PPFIA2: variants seen among roughly 807,000 people sequenced by gnomAD.
PPFIA2 encodes liprin-alpha-2.
In PPFIA2, 46 loss-of-function variants were observed where a neutral mutation model predicts 175.5. The ratio of observed to expected loss-of-function variants is 0.26; its 90% CI spans 0.21 to 0.34. The LOEUF is 0.34. Among genes scored for constraint, PPFIA2 ranks in the 10% least tolerant of loss-of-function variants. The probability of loss-of-function intolerance (pLI) is 1.00; values close to 1 mark genes in which losing one functional copy is unlikely to be tolerated. For missense variants in PPFIA2, 1,179 were observed against 1,506.1 expected (o/e 0.78, Z 3.60); for synonymous variants, 568 against 511.4 (o/e 1.11, Z -1.49).
chr12:81,267,957 G>A lies in PPFIA2; in HGVS notation c.3441C>T (p.Tyr1147=). 6.3e-7 allele frequency: 1 copy of A among 1,599,126 alleles called. No individual in the cohort carries two copies. Among genetic ancestry groups the A allele is most frequent in the Middle Eastern group, 1.7e-4 (1 of 6,040 alleles). Residue 1147 remains tyrosine (Y), a synonymous_variant, in exon 29 of 33, where the codon TAC becomes TAT. Coordinates refer to ENST00000549396, the MANE Select transcript of PPFIA2 (RefSeq NM_003625.5). ...SLIALDENFD[Y]SSLALLLQIP... is the part of the protein sequence containing the mutation. The stretch of plus-strand genomic sequence containing the variant: ...TCTGTAATAATAAAGCTAAGCTGCT[G>A]TAGTCAAAGTTTTCATCCAGGGCTA...
chr12:81,341,854 C>A (rs1218634474), intron 19 of PPFIA2, among the ~76,000 whole-genome samples: 1 of 152,064 alleles, frequency 6.6e-6, no homozygotes, highest in Non-Finnish European at 1.5e-5. Context: ...ATAATAAAGA[C>A]ATCTTTTAAG....
chr12:81,342,445 TTATC>T (rs1383310266), intron 19 of PPFIA2, among the ~76,000 whole-genome samples: 2 of 152,060 alleles, frequency 1.3e-5, no homozygotes, highest in East Asian at 1.9e-4. Flanking sequence ...ATAAATGTGT[TTATC>T]TATAATAAAG....
chr12:81,349,794 C>T (rs184974961), intron 17 of PPFIA2, among the ~76,000 whole-genome samples: 1 of 152,122 alleles, frequency 6.6e-6, no homozygotes, highest in Non-Finnish European at 1.5e-5. Flanking sequence ...TAGTAGCTAA[C>T]TATAAAAGCA....
chr12:81,276,303 A>G lies in PPFIA2; in HGVS notation c.3310+1014T>C, dbSNP rs550731823. 5.9e-5 allele frequency among the ~76,000 whole-genome samples: 9 copies of G among 152,276 alleles called. No individual in the cohort carries two copies. In the South Asian group the frequency reaches 1.9e-3, roughly 32 times the overall value. ...CTGGGAGGGTGGCGAAAGATGAGAAATTACTTAATGGGTACAATGTACATC... is the reference window on the plus strand; with the variant it reads ...CTGGGAGGGTGGCGAAAGATGAGAAGTTACTTAATGGGTACAATGTACATC... On this transcript the variant is annotated intron_variant, in intron 28 of 32. Transcript: ENST00000549396.
At chr12:81,268,966 C>G (rs1387173099) in intron 28 of PPFIA2, among the ~76,000 whole-genome samples, 2 of 152,182 alleles carry the variant, frequency 1.3e-5, no homozygotes, top group African/African-American at 4.8e-5. Flanking sequence ...TTTTCCCAAT[C>G]ACATGCTAAT....
intron 7 of PPFIA2, among the ~76,000 whole-genome samples, chr12:81,435,262 AG>A (rs2048769651): frequency 6.6e-6 from 1 of 152,182 alleles, no homozygotes; most frequent in Non-Finnish European, 1.5e-5. Context: ...GCAAACCCTG[AG>A]CTATATTTCA....
chr12:81,698,899 A>T (rs780385670), intron 3 of PPFIA2, among the ~76,000 whole-genome samples: 8 of 152,108 alleles, frequency 5.3e-5, no homozygotes, highest in Non-Finnish European at 8.8e-5. Flanking sequence ...GACAATTAAC[A>T]TTTGTTGTAA....
At chr12:81,372,240 C>T (rs544060890) in intron 11 of PPFIA2, among the ~76,000 whole-genome samples, 1 of 150,578 alleles carries the variant, frequency 6.6e-6, no homozygotes, top group South Asian at 2.1e-4. Context: ...GTTTTGAGAA[C>T]ATGAATAACC....
chr12:81,647,274 C>T (rs1171192183), intron 4 of PPFIA2, among the ~76,000 whole-genome samples: 1 of 151,920 alleles, frequency 6.6e-6, no homozygotes, highest in African/African-American at 2.4e-5. Context: ...CACACTGAAG[C>T]ATATTGAGAA....
Position 81,362,723 on chromosome 12 carries a change from G to A in PPFIA2, c.1607C>T (p.Thr536Ile). ...TATTGTGGGTTCAATTAAAGAGCCA[G>A]TTCTCATTTTCAATTGGTCAAGTTC... ...RSELDQLKMR[T>I]GSLIEPTIPR... is the part of the protein sequence containing the mutation. Residue 536 changes from threonine (T) to isoleucine (I), a missense_variant, in exon 15 of 33, where the codon ACT (threonine) becomes ATT (isoleucine). Thr to Ile is a moderately conservative substitution (Grantham distance 89). Around this residue, in one of 10 missense-constraint regions of PPFIA2, gnomAD observed 186 missense variants for 163.6 expected, o/e 1.14. Transcript: ENST00000549396. The A allele has an allele frequency of 6.5e-7, 1 of 1,547,216 alleles. No individual in the cohort carries two copies. Among genetic ancestry groups the A allele is most frequent in the East Asian group, 2.4e-5 (1 of 40,948 alleles).
intron 19 of PPFIA2, among the ~76,000 whole-genome samples, 198 bp downstream of exon 19, chr12:81,344,466 T>G (rs1240819552): frequency 1.3e-5 from 2 of 151,440 alleles, no homozygotes; most frequent in Non-Finnish European, 2.9e-5. Context: ...ATAATCTAAT[T>G]ATTGCTCCAG....
chr12:81,721,414 A>T (rs2153629655), intron 3 of PPFIA2, among the ~76,000 whole-genome samples: 1 of 151,148 alleles, frequency 6.6e-6, no homozygotes, highest in East Asian at 1.9e-4. Flanking sequence ...GATTGTTCAG[A>T]AATTCTATTC....
chr12:81,757,604 C>A (rs1568155764), intron 2 of PPFIA2, among the ~76,000 whole-genome samples: 2 of 152,146 alleles, frequency 1.3e-5, no homozygotes, highest in Non-Finnish European at 2.9e-5. Flanking sequence ...AAAATAACTC[C>A]TTTATTCTTA....
chr12:81,612,883 C>T (rs1460830832), intron 4 of PPFIA2, among the ~76,000 whole-genome samples: 3 of 152,122 alleles, frequency 2.0e-5, no homozygotes, highest in South Asian at 2.1e-4. Context: ...GTTTTCTTTC[C>T]GTATTTTATT....
rs61254401 is a variant in PPFIA2 at position 81,389,125 on chromosome 12, T to TTATA, written c.763-4885_763-4882dup. On this transcript the variant is annotated intron_variant, in intron 8 of 32. Transcript: ENST00000549396. ...ATGTTTTTGAATTTTATTCAATATT[T>TTATA]TATATATATATATATATATACACAC... 3.0e-3 allele frequency among the ~76,000 whole-genome samples: 432 copies of TTATA among 144,934 alleles called. 1 individual carries two copies. Among genetic ancestry groups the TTATA allele is most frequent in the African/African-American group, 9.1e-3 (361 of 39,816 alleles).
chr12:81,413,552 G>A (rs550700944), intron 7 of PPFIA2, among the ~76,000 whole-genome samples: 1 of 151,874 alleles, frequency 6.6e-6, no homozygotes, highest in African/African-American at 2.4e-5. Flanking sequence ...CTGTAAAGGA[G>A]GCTAGCAGCA....
chr12:81,568,208 C>T (rs1229220902), intron 4 of PPFIA2, among the ~76,000 whole-genome samples: 1 of 152,218 alleles, frequency 6.6e-6, no homozygotes, highest in Non-Finnish European at 1.5e-5. Context: ...ACTTCCATAT[C>T]TCCTGCTCTG....
chr12:81,260,591 G>A (rs2035109451), intron 32 of PPFIA2: 1 of 152,078 alleles, frequency 6.6e-6, no homozygotes, highest in Non-Finnish European at 1.5e-5. Context: ...TTTAATGTAA[G>A]GGTTGTACAT....
intron 3 of PPFIA2, among the ~76,000 whole-genome samples, chr12:81,728,976 C>T (rs1346895099): frequency 2.0e-5 from 3 of 151,480 alleles, no homozygotes; most frequent in South Asian, 2.1e-4. Flanking sequence ...GATAATAAAA[C>T]CACATATTTA....
Sources: gnomAD v4.1 joint callset for allele counts (sites outside exome capture counted in the v4.1 genomes callset) on GRCh38, gnomAD v4.1.1 for gene constraint, gnomAD v4.1.1 regional missense constraint, MANE v1.5 for transcripts, NCBI Gene and HGNC (gene_info 2026-07-23, HGNC 2026-07-21) for gene names.